The following FAM91A1 variants were observed in gnomAD, a reference collection of about 807,000 sequenced individuals.
FAM91A1 encodes the protein protein FAM91A1.
Under a neutral mutation model 113.5 loss-of-function variants are expected in FAM91A1, and 41 were observed. The observed-to-expected ratio is 0.36, with a 90% CI of 0.28 to 0.47. The LOEUF is 0.47. Among genes scored for constraint, FAM91A1 ranks in the 20% least tolerant of loss-of-function variants. The pLI is 1.00. For missense variants in FAM91A1, 696 were observed against 1,001.2 expected (o/e 0.70, Z 4.11); for synonymous variants, 307 against 347.9 (o/e 0.88, Z 1.31).
intron 18 of FAM91A1, 81 bp from the exon 19 acceptor site, chr8:123,805,186 A>G: frequency 8.9e-7 from 1 of 1,122,224 alleles, no homozygotes; most frequent in Non-Finnish European, 1.3e-6. Context: ...CCATTACATG[A>G]CACAATCTTA....
rs985337843 is a variant in FAM91A1, at chr8:123,798,682, A to T, written c.1560+444A>T. ...ATTCCTTCTGGACTTTTACTTAAAA[A>T]ATATATATATATCAGTTGTATTCAT... On this transcript the variant is annotated intron_variant, in intron 16 of 23. Transcript: ENST00000334705. Among the ~76,000 whole-genome samples, 6 of 152,236 alleles carry T rather than the reference A, an allele frequency of 3.9e-5. No individual in the cohort carries two copies. In the South Asian group the frequency reaches 6.2e-4, roughly 16 times the overall value.
chr8:123,776,371 T>TG (rs899483292), intron 3 of FAM91A1, among the ~76,000 whole-genome samples: 43 of 152,286 alleles, frequency 2.8e-4, no homozygotes, highest in Non-Finnish European at 5.9e-4. Flanking sequence ...CTACATACGA[T>TG]GTGTGCTTTG....
chr8:123,798,244 G>T lies in FAM91A1; in HGVS notation c.1560+6G>T, dbSNP rs748150045. On this transcript the variant is annotated splice_donor_region_variant and intron_variant, in intron 16 of 23. Transcript: ENST00000334705. ...TCAGCAGCTGCACCCCTCAGGTAAA[G>T]ACCTACTTGGAAGATCCACTTGGTA... 6.2e-7 allele frequency: 1 copy of T among 1,613,128 alleles called. No individual in the cohort carries two copies. The highest frequency in any genetic ancestry group is 8.5e-7 in the Non-Finnish European group (1 of 1,179,582).
rs370823730 is a variant in FAM91A1 at position 123,789,678 on chromosome 8, A to G, written c.1344A>G (p.Thr448=). The G allele has an allele frequency of 4.3e-6, 7 of 1,612,794 alleles. No individual in the cohort carries two copies. Among genetic ancestry groups the G allele is most frequent in the South Asian group, 3.3e-5 (3 of 91,026 alleles). Residue 448 remains threonine, a synonymous_variant, in exon 15 of 24, where the codon ACA becomes ACG. Coordinates refer to ENST00000334705, the MANE Select transcript of FAM91A1 (RefSeq NM_144963.4). ...ATCATGCACTTACTCTGAGAAACAC[A>G]ATACTGTTTCTGCGTCATAACAAAG... ...YFDHALTLRN[T]ILFLRHNKDL...
chr8:123,784,869 G>GA, intron 9 of FAM91A1: 1 of 428,310 alleles, frequency 2.3e-6, no homozygotes, highest in East Asian at 3.9e-5. Flanking sequence ...AAAGAGTAAG[G>GA]AATCTTAAAT....
At chr8:123,788,280 A>G in intron 14 of FAM91A1, 1 of 966,288 alleles carries the variant, frequency 1.0e-6, no homozygotes, top group Non-Finnish European at 1.2e-6. Context: ...TTAGCTCTAA[A>G]TAAATCTGAT....
intron 20 of FAM91A1, among the ~76,000 whole-genome samples, chr8:123,807,633 C>G (rs1815846087): frequency 6.6e-6 from 1 of 152,032 alleles, no homozygotes; most frequent in African/African-American, 2.4e-5. Context: ...GAGAAGGCCT[C>G]TTAGAGAAGG....
chr8:123,812,495 T>A (rs1815981678), intron 23 of FAM91A1, 24 bp from the exon 24 acceptor site: 2 of 1,549,950 alleles, frequency 1.3e-6, no homozygotes, highest in Non-Finnish European at 1.7e-6. Context: ...TGAATATCAT[T>A]TCTCTTGTTT....
intron 1 of FAM91A1, among the ~76,000 whole-genome samples, chr8:123,770,930 C>T (rs1323711670): frequency 1.3e-5 from 2 of 152,146 alleles, no homozygotes; most frequent in African/African-American, 4.8e-5. Context: ...TTCCCTAGGC[C>T]GAGCTCCATC....
intron 15 of FAM91A1, among the ~76,000 whole-genome samples, chr8:123,797,029 C>T: frequency 6.6e-6 from 1 of 151,580 alleles, no homozygotes; most frequent in Non-Finnish European, 1.5e-5. Context: ...CCACTGCACT[C>T]CAGCCTGTCG....
intron 15 of FAM91A1, among the ~76,000 whole-genome samples, chr8:123,789,987 A>T (rs997588169): frequency 6.6e-6 from 1 of 152,188 alleles, no homozygotes; most frequent in Non-Finnish European, 1.5e-5. Context: ...TACCTGCAAA[A>T]GTGTTGGTGT....
intron 11 of FAM91A1, chr8:123,786,093 G>A (rs1815251425): frequency 2.0e-5 from 6 of 306,426 alleles, no homozygotes; most frequent in Admixed American, 4.3e-5. Context: ...TGTTGGGATT[G>A]CAGGTGTGAG....
At chr8:123,784,769 T>G (rs1247747462) in intron 9 of FAM91A1, 193 bp downstream of exon 9, 1 of 434,818 alleles carries the variant, frequency 2.3e-6, no homozygotes, top group Non-Finnish European at 3.9e-6. Context: ...TAATTTATAG[T>G]TTGGTTAACT....
At chr8:123,802,248 A>G (rs1043737479) in intron 18 of FAM91A1, among the ~76,000 whole-genome samples, 1 of 152,230 alleles carries the variant, frequency 6.6e-6, no homozygotes, top group African/African-American at 2.4e-5. Flanking sequence ...GCCCGGATCA[A>G]GGACATGGTA....
At chr8:123,778,795 C>T in intron 6 of FAM91A1, 23 bp downstream of exon 6, 1 of 1,363,090 alleles carries the variant, frequency 7.3e-7, no homozygotes, top group Non-Finnish European at 9.7e-7. Context: ...AAAAGTTAAA[C>T]ATAGAATTTT....
intron 9 of FAM91A1, chr8:123,784,877 A>G (rs1815215188): frequency 9.1e-6 from 4 of 438,580 alleles, no homozygotes; most frequent in Non-Finnish European, 1.6e-5. Context: ...AGGAATCTTA[A>G]ATTGTTATGG....
rs1034395551 is a variant in FAM91A1, at chr8:123,786,573, G to A, written c.1041G>A (p.Ser347=). ...ESRSPVQEAS[S]ATDTDTNSQE... Reference sequence around the variant, plus strand: ...GGAGTCCTGTACAAGAAGCTTCATCGGCAACTGACACTGATACAAATAGTC... The same window carrying A: ...GGAGTCCTGTACAAGAAGCTTCATCAGCAACTGACACTGATACAAATAGTC... Residue 347 remains serine, a synonymous_variant, in exon 12 of 24, where the codon TCG becomes TCA. Transcript: ENST00000334705. 14 of 1,613,938 alleles carry A rather than the reference G, an allele frequency of 8.7e-6. No individual in the cohort carries two copies. The African/African-American group carries it at 1.3e-4, about 15-fold the overall frequency.
intron 23 of FAM91A1, chr8:123,810,662 C>A: frequency 2.6e-6 from 1 of 384,060 alleles, no homozygotes; most frequent in Non-Finnish European, 4.6e-6. Context: ...TTCCCAATAA[C>A]TAAAGCGATT....
chr8:123,810,415 G>T, intron 23 of FAM91A1, 64 bp downstream of exon 23: 1 of 1,429,310 alleles, frequency 7.0e-7, no homozygotes, highest in Non-Finnish European at 9.8e-7. Flanking sequence ...CAACACTTCT[G>T]TGTTTGTTTT....
Sources: gnomAD v4.1 joint callset for allele counts (sites outside exome capture counted in the v4.1 genomes callset) on GRCh38, gnomAD v4.1.1 for gene constraint, MANE v1.5 for transcripts, NCBI Gene and HGNC (gene_info 2026-07-23, HGNC 2026-07-21) for gene names.